WWOX: variants seen among roughly 807,000 people sequenced by gnomAD.
WWOX encodes WW domain-containing oxidoreductase.
A neutral mutation model predicts 46.2 loss-of-function variants in WWOX; 69 were observed. That is an observed-to-expected ratio of 1.49 (90% CI 1.23 to 1.82). The LOEUF (loss-of-function observed/expected upper bound fraction) is 1.82, where lower values mean the gene tolerates loss of function less well. Among genes scored for constraint, WWOX ranks in the 40% most tolerant of loss-of-function variants. The pLI, the probability that WWOX is intolerant of heterozygous loss-of-function variation, is 0.00. For missense variants in WWOX, 919 were observed against 542.6 expected, an observed-to-expected ratio of 1.69 and a Z score of -6.89; for synonymous variants, 359 against 202.6, an observed-to-expected ratio of 1.77 and a Z score of -6.56.
chr16:78,124,524 G>GTC (rs1433249119), intron 4 of WWOX, among the ~76,000 whole-genome samples: 26 of 152,232 alleles, frequency 1.7e-4, no homozygotes, highest in African/African-American at 6.0e-4. Context: ...TTGGAAAGAT[G>GTC]TCTTAAATTA....
intron 8 of WWOX, among the ~76,000 whole-genome samples, chr16:78,615,221 G>T (rs1543298): frequency 0.016 from 2,452 of 152,118 alleles, 60 homozygotes; most frequent in African/African-American, 0.056. Flanking sequence ...TTTTGAAAGG[G>T]CATCACCACT....
chr16:79,199,478 C>T (rs964448297), intron 8 of WWOX, among the ~76,000 whole-genome samples: 1 of 152,124 alleles, frequency 6.6e-6, no homozygotes, highest in Non-Finnish European at 1.5e-5. Context: ...AGCAGGAGGC[C>T]GCCAGGTGGC....
intron 8 of WWOX, among the ~76,000 whole-genome samples, chr16:78,549,267 C>G (rs565554864): frequency 6.6e-6 from 1 of 152,194 alleles, no homozygotes; most frequent in East Asian, 1.9e-4. Flanking sequence ...ATTCATTCTT[C>G]ACGTCTCAGA....
chr16:78,885,387 C>G (rs554776850), intron 8 of WWOX, among the ~76,000 whole-genome samples: 1 of 152,126 alleles, frequency 6.6e-6, no homozygotes, highest in Non-Finnish European at 1.5e-5. Context: ...GCTCCTGAGA[C>G]CACAACAGTC....
chr16:78,588,767 A>G lies in WWOX; in HGVS notation c.1056+156015A>G, dbSNP rs985632958. On this transcript the variant is annotated intron_variant, in intron 8 of 8. Transcript: ENST00000566780. ...TTTATTGAGCAGCTACTATGTACCA[A>G]ACACTTAGCATATGCTTTTTGGCAT... 3.9e-5 allele frequency among the ~76,000 whole-genome samples: 6 copies of G among 152,286 alleles called. No homozygotes were observed. The South Asian group carries it at 6.2e-4, about 16-fold the overall frequency.
chr16:78,359,755 G>T (rs534006184), intron 5 of WWOX, among the ~76,000 whole-genome samples: 22 of 152,346 alleles, frequency 1.4e-4, no homozygotes, highest in Admixed American at 7.8e-4. Flanking sequence ...CCCTGATGTT[G>T]AGAAGCTCAT....
At chr16:78,278,739 T>G (rs1435792756) in intron 5 of WWOX, 10 of 1,325,642 alleles carry the variant, frequency 7.5e-6, no homozygotes, top group Non-Finnish European at 1.1e-5. Flanking sequence ...CTTTTCATGT[T>G]TTGACTTCTA....
intron 8 of WWOX, among the ~76,000 whole-genome samples, chr16:78,443,586 C>T (rs191203991): frequency 6.6e-4 from 101 of 152,278 alleles, no homozygotes; most frequent in Non-Finnish European, 1.3e-3. Flanking sequence ...AAATCCGCCT[C>T]GGCCTTTGTT....
At chr16:78,210,220 C>G (rs1163176417) in intron 5 of WWOX, among the ~76,000 whole-genome samples, 3 of 152,152 alleles carry the variant, frequency 2.0e-5, no homozygotes, top group African/African-American at 4.8e-5. Flanking sequence ...TCATTTTGAG[C>G]CAGGCTGTGG....
chr16:79,200,953 T>C (rs2051337027), intron 8 of WWOX, among the ~76,000 whole-genome samples: 1 of 152,224 alleles, frequency 6.6e-6, no homozygotes, highest in African/African-American at 2.4e-5. Context: ...ATAGCTGCTT[T>C]AAACTTGTAA....
intron 8 of WWOX, among the ~76,000 whole-genome samples, chr16:78,805,406 A>C (rs961281947): frequency 2.2e-4 from 33 of 146,960 alleles, no homozygotes; most frequent in Middle Eastern, 3.5e-3. Flanking sequence ...GACTACAGGC[A>C]CCCGCCACCT....
chr16:78,460,212 G>C (rs1597116161), intron 8 of WWOX, among the ~76,000 whole-genome samples: 1 of 151,522 alleles, frequency 6.6e-6, no homozygotes, highest in Admixed American at 6.6e-5. Context: ...ACTGCAACCT[G>C]TGCCTCCCGG....
chr16:79,166,523 C>T (rs1053171431), intron 8 of WWOX, among the ~76,000 whole-genome samples: 1 of 152,090 alleles, frequency 6.6e-6, no homozygotes, highest in Non-Finnish European at 1.5e-5. Flanking sequence ...GGCAGTAGTC[C>T]GCATTTTCAA....
intron 8 of WWOX, among the ~76,000 whole-genome samples, chr16:78,547,145 A>C (rs560850366): frequency 0.019 from 1,769 of 94,074 alleles, 79 homozygotes; most frequent in Middle Eastern, 0.084. Context: ...AAAAAAAAAA[A>C]AAAAAAAAAA....
intron 8 of WWOX, among the ~76,000 whole-genome samples, chr16:78,642,847 A>G (rs1050749866): frequency 6.6e-6 from 1 of 152,206 alleles, no homozygotes; most frequent in African/African-American, 2.4e-5. Flanking sequence ...ATTAGGCAAT[A>G]CTTTAATAAT....
chr16:78,591,254 CAAGGGA>C (rs2045344228), intron 8 of WWOX, among the ~76,000 whole-genome samples: 1 of 152,156 alleles, frequency 6.6e-6, no homozygotes, highest in South Asian at 2.1e-4. Context: ...CTCTTGGGAA[CAAGGGA>C]ACCTTTCCCC....
chr16:78,443,724 C>T (rs983441194), intron 8 of WWOX, among the ~76,000 whole-genome samples: 3 of 152,204 alleles, frequency 2.0e-5, no homozygotes, highest in African/African-American at 7.2e-5. Context: ...TCCTTTTCTT[C>T]TGTGTGCCCG....
intron 8 of WWOX, among the ~76,000 whole-genome samples, chr16:78,818,090 T>A (rs2051389544): frequency 6.6e-6 from 1 of 152,164 alleles, no homozygotes; most frequent in Non-Finnish European, 1.5e-5. Context: ...CTAATCCCTA[T>A]TGGGCTAATG....
At chr16:78,944,059 A>G (rs1410632607) in intron 8 of WWOX, among the ~76,000 whole-genome samples, 3 of 152,194 alleles carry the variant, frequency 2.0e-5, no homozygotes, top group Non-Finnish European at 2.9e-5. Flanking sequence ...TCAAGGACGT[A>G]TTGATTTCTG....
Sources: gnomAD v4.1 joint callset for allele counts (sites outside exome capture counted in the v4.1 genomes callset) on GRCh38, gnomAD v4.1.1 for gene constraint, MANE v1.5 for transcripts, NCBI Gene and HGNC (gene_info 2026-07-23, HGNC 2026-07-21) for gene names.